DPYD: variants seen among roughly 807,000 people sequenced by gnomAD.
The protein encoded by DPYD is dihydropyrimidine dehydrogenase.
Under a neutral mutation model 116.2 loss-of-function variants are expected in DPYD, and 109 were observed. The observed-to-expected ratio is 0.94, with a 90% CI of 0.80 to 1.10. The LOEUF is 1.10. Ranked by LOEUF, DPYD falls within the 50% of genes least tolerant of loss-of-function variation. DPYD has a pLI of 0.00. For missense variants in DPYD, 1,302 were observed against 1,254.5 expected (o/e 1.04, Z -0.57); for synonymous variants, 440 against 432.0 (o/e 1.02, Z -0.23).
intron 19 of DPYD, among the ~76,000 whole-genome samples, chr1:97,232,137 C>T (rs954541618): frequency 5.3e-5 from 8 of 152,046 alleles, no homozygotes; most frequent in Non-Finnish European, 1.0e-4. Flanking sequence ...TTTCTTCAGC[C>T]GAGAATGTCT....
intron 12 of DPYD, among the ~76,000 whole-genome samples, chr1:97,519,429 G>A (rs761279493): frequency 2.6e-4 from 39 of 152,168 alleles, no homozygotes; most frequent in South Asian, 2.1e-4. Context: ...TCCTCCCAAC[G>A]GGTCCCTCCC....
chr1:97,573,678 A>T, intron 11 of DPYD, 82 bp downstream of exon 11: 1 of 1,559,706 alleles, frequency 6.4e-7, no homozygotes, highest in Admixed American at 1.7e-5. Flanking sequence ...AAAGTGAAAA[A>T]CAATTCCCTG....
At chr1:97,402,926 A>G (rs1366795548) in intron 14 of DPYD, among the ~76,000 whole-genome samples, 1 of 151,776 alleles carries the variant, frequency 6.6e-6, no homozygotes, top group East Asian at 1.9e-4. Context: ...TGATTTTTTG[A>G]ATGTTGAACC....
At chr1:97,223,053 T>G (rs1042835615) in intron 19 of DPYD, among the ~76,000 whole-genome samples, 1 of 152,068 alleles carries the variant, frequency 6.6e-6, no homozygotes. Context: ...GAAGCCTCTG[T>G]GTATATTATG....
chr1:97,179,761 C>G (rs1657527205), intron 20 of DPYD, among the ~76,000 whole-genome samples: 1 of 152,076 alleles, frequency 6.6e-6, no homozygotes, highest in South Asian at 2.1e-4. Context: ...GAGGGGTCAC[C>G]TGTGACTATG....
chr1:97,723,564 A>G (rs571993323), intron 4 of DPYD, among the ~76,000 whole-genome samples: 3 of 151,744 alleles, frequency 2.0e-5, no homozygotes, highest in African/African-American at 4.8e-5. Context: ...TTTTTATTAC[A>G]TAGTTCTTTT....
chr1:97,119,537 G>A (rs1251077590), intron 20 of DPYD, among the ~76,000 whole-genome samples: 1 of 152,084 alleles, frequency 6.6e-6, no homozygotes, highest in African/African-American at 2.4e-5. Context: ...TAGAAAATAT[G>A]CTTTTTGTTA....
intron 1 of DPYD, among the ~76,000 whole-genome samples, chr1:97,893,429 C>CATATATATATATATATATATATATAT (rs59336649): frequency 1.4e-5 from 1 of 71,906 alleles, no homozygotes; most frequent in Non-Finnish European, 2.6e-5. Flanking sequence ...ATATCCATCG[C>CATATATATATATATATATATATATAT]ATATATATAT....
intron 12 of DPYD, among the ~76,000 whole-genome samples, chr1:97,532,893 C>A (rs985587824): frequency 7.0e-6 from 1 of 142,048 alleles, no homozygotes; most frequent in African/African-American, 2.7e-5. Context: ...CATCCTTCTG[C>A]TAACTTTGGG....
chr1:97,848,928 A>C (rs1001947395), intron 2 of DPYD, among the ~76,000 whole-genome samples: 4 of 152,204 alleles, frequency 2.6e-5, no homozygotes, highest in African/African-American at 9.7e-5. Flanking sequence ...CTGAAATCTA[A>C]ATATTAGAAA....
intron 3 of DPYD, among the ~76,000 whole-genome samples, chr1:97,775,554 T>C (rs1221439692): frequency 6.6e-6 from 1 of 152,204 alleles, no homozygotes; most frequent in Non-Finnish European, 1.5e-5. Flanking sequence ...TGATTATTGG[T>C]TATACTTATT....
chr1:97,563,502 C>A (rs1019482952), intron 11 of DPYD, among the ~76,000 whole-genome samples: 3 of 152,186 alleles, frequency 2.0e-5, no homozygotes, highest in Non-Finnish European at 2.9e-5. Context: ...AAACTTGTTA[C>A]ATGCCACTGC....
chr1:97,642,166 C>T (rs1199602075), intron 8 of DPYD, among the ~76,000 whole-genome samples: 1 of 151,958 alleles, frequency 6.6e-6, no homozygotes, highest in African/African-American at 2.4e-5. Flanking sequence ...TGAAAATGGC[C>T]ATAGAGCCCA....
intron 15 of DPYD, among the ~76,000 whole-genome samples, chr1:97,376,887 G>GTGTGTGTGTATATATATATATA: frequency 6.2e-5 from 8 of 128,452 alleles, no homozygotes; most frequent in South Asian, 3.1e-4. Flanking sequence ...GTGTGTGTGT[G>GTGTGTGTGTATATATATATATA]TATATATATA....
intron 13 of DPYD, among the ~76,000 whole-genome samples, chr1:97,515,090 T>A (rs1453622514): frequency 6.6e-6 from 1 of 151,906 alleles, no homozygotes; most frequent in East Asian, 1.9e-4. Flanking sequence ...CAAAACCATA[T>A]AAGGATGCAA....
chr1:97,579,364 G>A (rs1208706569), intron 10 of DPYD, among the ~76,000 whole-genome samples: 2 of 152,180 alleles, frequency 1.3e-5, no homozygotes, highest in African/African-American at 4.8e-5. Context: ...GTAGTATACT[G>A]AGTGAATGGC....
At chr1:97,092,684 A>G (rs544022930) in intron 21 of DPYD, among the ~76,000 whole-genome samples, 1 of 152,144 alleles carries the variant, frequency 6.6e-6, no homozygotes, top group Admixed American at 6.6e-5. Context: ...TAGGCCCATA[A>G]TTCCTTTATC....
chr1:97,373,492 A>G, intron 16 of DPYD, 69 bp downstream of exon 16: 2 of 1,339,782 alleles, frequency 1.5e-6, no homozygotes, highest in Non-Finnish European at 2.1e-6. Context: ...CCTAAGGTAT[A>G]GTAACTATCC....
chr1:97,480,994 GA>G (rs938600877), intron 13 of DPYD, among the ~76,000 whole-genome samples: 148 of 151,298 alleles, frequency 9.8e-4, no homozygotes, highest in African/African-American at 3.2e-3. Flanking sequence ...AAAACAAAAA[GA>G]AAAAAAATTA....
Sources: allele counts gnomAD v4.1 joint callset (sites outside exome capture counted in the v4.1 genomes callset), GRCh38; gene constraint gnomAD v4.1.1; transcripts MANE v1.5; gene names NCBI Gene and HGNC (gene_info 2026-07-23, HGNC 2026-07-21).